Variants in PRR16 observed in about 807,000 individuals in gnomAD.
PRR16 encodes proline rich 16.
Under a neutral mutation model 18.2 loss-of-function variants are expected in PRR16, and 6 were observed. The ratio of observed to expected loss-of-function variants is 0.33; its 90% CI spans 0.18 to 0.65. The LOEUF (loss-of-function observed/expected upper bound fraction) is 0.65. Among genes scored for constraint, PRR16 ranks in the 30% least tolerant of loss-of-function variants. The probability of loss-of-function intolerance (pLI) is 0.74; values close to 1 mark genes in which losing one functional copy is unlikely to be tolerated. For missense variants in PRR16, 412 were observed against 376.6 expected, an observed-to-expected ratio of 1.09 and a Z score of -0.78; for synonymous variants, 151 against 147.8, an observed-to-expected ratio of 1.02 and a Z score of -0.16.
At chr5:120,470,159 G>T (rs1405838360) in intron 1 of PRR16, among the ~76,000 whole-genome samples, 2 of 151,868 alleles carry the variant, frequency 1.3e-5, no homozygotes, top group East Asian at 1.9e-4. Flanking sequence ...AAAATTTCAG[G>T]GGCAATTTTA....
chr5:120,610,765 A>G (rs1314226985), intron 1 of PRR16, among the ~76,000 whole-genome samples: 7 of 152,164 alleles, frequency 4.6e-5, no homozygotes, highest in Non-Finnish European at 1.5e-5. Flanking sequence ...TGTCTTTATC[A>G]GTAGCATAAA....
chr5:120,740,875 A>G, the PRR16 span, among the ~76,000 whole-genome samples: 1 of 152,074 alleles, frequency 6.6e-6, no homozygotes, highest in Admixed American at 6.6e-5. Flanking sequence ...TTTTTATTGT[A>G]TGATAGCATA....
chr5:120,523,682 A>G (rs1751260090), intron 1 of PRR16, among the ~76,000 whole-genome samples: 2 of 152,160 alleles, frequency 1.3e-5, no homozygotes, highest in African/African-American at 4.8e-5. Flanking sequence ...ATAGTCAGTG[A>G]CTTATTATGC....
At chr5:120,676,642 A>G (rs1756810339) in intron 1 of PRR16, among the ~76,000 whole-genome samples, 2 of 152,250 alleles carry the variant, frequency 1.3e-5, no homozygotes, top group Admixed American at 6.5e-5. Flanking sequence ...TCAGACAGCA[A>G]AGACAGACAT....
At chr5:120,635,914 A>G (rs980381957) in intron 1 of PRR16, among the ~76,000 whole-genome samples, 2 of 152,306 alleles carry the variant, frequency 1.3e-5, no homozygotes, top group Admixed American at 1.3e-4. Context: ...AAGTGAATTC[A>G]GCAAAGTTTC....
chr5:120,477,221 C>A (rs1421314917), intron 1 of PRR16, among the ~76,000 whole-genome samples: 1 of 152,086 alleles, frequency 6.6e-6, no homozygotes, highest in African/African-American at 2.4e-5. Flanking sequence ...CCAACCCAAA[C>A]CTTTTTTCTG....
chr5:120,602,102 A>G (rs1175472453), intron 1 of PRR16, among the ~76,000 whole-genome samples: 2 of 152,092 alleles, frequency 1.3e-5, no homozygotes, highest in African/African-American at 4.8e-5. Flanking sequence ...TCTGTGAAAA[A>G]TGATGTTGGT....
the PRR16 span, among the ~76,000 whole-genome samples, chr5:120,774,474 C>T: frequency 6.6e-6 from 1 of 152,040 alleles, no homozygotes; most frequent in African/African-American, 2.4e-5. Flanking sequence ...CAAACGGGGG[C>T]AATTTTAACT....
At chr5:120,763,926 G>A in the PRR16 span, among the ~76,000 whole-genome samples, 1 of 151,982 alleles carries the variant, frequency 6.6e-6, no homozygotes, top group Non-Finnish European at 1.5e-5. Context: ...AGACTTTACT[G>A]AATTTGCTTA....
rs1754240966 is a variant in PRR16, at chr5:120,608,828, G to T, written c.160-77126G>T. 2.0e-5 allele frequency among the ~76,000 whole-genome samples: 3 copies of T among 152,068 alleles called. 1 individual carries two copies. In the South Asian group the frequency reaches 6.2e-4, roughly 32 times the overall value. ...GTATTTTGACCTTCGAAAATAAGCT[G>T]GGATTAACCTATTTCTGGTGGATTT... On this transcript the variant is annotated intron_variant, in intron 1 of 1. Coordinates refer to ENST00000407149, the MANE Select transcript of PRR16 (RefSeq NM_001300783.2).
chr5:120,754,445 ATATT>A, the PRR16 span, among the ~76,000 whole-genome samples: 1 of 89,684 alleles, frequency 1.1e-5, no homozygotes, highest in Non-Finnish European at 2.0e-5. Context: ...TATATAGTAT[ATATT>A]ATATAATATA....
At chr5:120,580,377 T>C (rs1351875868) in intron 1 of PRR16, among the ~76,000 whole-genome samples, 1 of 152,042 alleles carries the variant, frequency 6.6e-6, no homozygotes, top group East Asian at 1.9e-4. Flanking sequence ...TTATCATAAA[T>C]AGCTCTTATT....
the PRR16 span, among the ~76,000 whole-genome samples, chr5:120,761,007 C>A: frequency 3.9e-5 from 6 of 152,046 alleles, no homozygotes; most frequent in African/African-American, 1.4e-4. Flanking sequence ...CAAACCAGGT[C>A]ACATTTTCTA....
At chr5:120,603,225 A>G (rs1178534408) in intron 1 of PRR16, among the ~76,000 whole-genome samples, 1 of 151,944 alleles carries the variant, frequency 6.6e-6, no homozygotes, top group East Asian at 1.9e-4. Context: ...TTTGTATTAC[A>G]CATGCAATTT....
chr5:120,739,533 G>T, the PRR16 span, among the ~76,000 whole-genome samples: 1 of 152,164 alleles, frequency 6.6e-6, no homozygotes, highest in African/African-American at 2.4e-5. Context: ...TATACTGAAA[G>T]GTAAAATTGG....
At chr5:120,680,180 A>G (rs1440685243) in intron 1 of PRR16, among the ~76,000 whole-genome samples, 2 of 152,148 alleles carry the variant, frequency 1.3e-5, no homozygotes, top group Non-Finnish European at 2.9e-5. Flanking sequence ...TTTAAAAGAA[A>G]CAAAATATTG....
chr5:120,512,792 A>G lies in PRR16; in HGVS notation c.159+48147A>G, dbSNP rs561099928. Among the ~76,000 whole-genome samples, 468 of 152,286 alleles carry G rather than the reference A, an allele frequency of 3.1e-3. 2 individuals are homozygous for G. The highest frequency in any genetic ancestry group is 0.011 in the African/African-American group (441 of 41,572). ...TTGAAAAGGAGACCAAAGTGAGAGT[A>G]TAGAAGCTTTACTGGGGAGGGAAAG... On this transcript the variant is annotated intron_variant, in intron 1 of 1. Coordinates refer to ENST00000407149, the MANE Select transcript of PRR16 (RefSeq NM_001300783.2).
chr5:120,742,764 A>C, the PRR16 span, among the ~76,000 whole-genome samples: 1 of 152,246 alleles, frequency 6.6e-6, no homozygotes, highest in Non-Finnish European at 1.5e-5. Context: ...TCTGGACCCC[A>C]TAAGTCCACA....
At chr5:120,753,623 G>T in the PRR16 span, among the ~76,000 whole-genome samples, 1 of 151,196 alleles carries the variant, frequency 6.6e-6, no homozygotes, top group Non-Finnish European at 1.5e-5. Context: ...GGTGATGATA[G>T]TGATGAATTA....
Sources: allele counts gnomAD v4.1 joint callset (sites outside exome capture counted in the v4.1 genomes callset), GRCh38; gene constraint gnomAD v4.1.1; transcripts MANE v1.5; gene names NCBI Gene and HGNC (gene_info 2026-07-23, HGNC 2026-07-21).